The following KDM4C variants were observed in gnomAD, a reference collection of about 807,000 sequenced individuals.
KDM4C encodes the protein lysine demethylase 4C, also known as lysine-specific demethylase 4C.
KDM4C carries 81 observed loss-of-function variants against 129.3 expected under a neutral mutation model. The observed-to-expected ratio is 0.63, with a 90% confidence interval of 0.52 to 0.75. The LOEUF (loss-of-function observed/expected upper bound fraction) is 0.75. KDM4C is among the 30% of genes least tolerant of loss of function. The probability of loss-of-function intolerance (pLI) is 0.00; values close to 1 mark genes in which losing one functional copy is unlikely to be tolerated. For missense variants in KDM4C, 1,457 were observed against 1,304.0 expected, an observed-to-expected ratio of 1.12 and a Z score of -1.81; for synonymous variants, 573 against 456.1, an observed-to-expected ratio of 1.26 and a Z score of -3.26.
At chr9:7,075,448 C>T (rs1587475670) in intron 17 of KDM4C, among the ~76,000 whole-genome samples, 1 of 152,114 alleles carries the variant, frequency 6.6e-6, no homozygotes, top group Non-Finnish European at 1.5e-5. Flanking sequence ...GAATGCCCTT[C>T]TGTATGGGTT....
chr9:7,028,184 G>A (rs1407553524), intron 15 of KDM4C, among the ~76,000 whole-genome samples: 4 of 151,964 alleles, frequency 2.6e-5, no homozygotes. Flanking sequence ...CCATTACCTA[G>A]GAATGTGCTG....
chr9:7,083,098 T>G (rs1834723418), intron 17 of KDM4C, among the ~76,000 whole-genome samples: 1 of 152,196 alleles, frequency 6.6e-6, no homozygotes, highest in South Asian at 2.1e-4. Flanking sequence ...TCAGGAACAT[T>G]TCCTCCCCAT....
At chr9:6,962,231 A>G (rs1026596676) in intron 8 of KDM4C, among the ~76,000 whole-genome samples, 1 of 152,258 alleles carries the variant, frequency 6.6e-6, no homozygotes, top group Non-Finnish European at 1.5e-5. Context: ...ATGAACACAC[A>G]GCATACATTA....
chr9:6,916,237 TC>T (rs1207224022), intron 8 of KDM4C, among the ~76,000 whole-genome samples: 13 of 111,252 alleles, frequency 1.2e-4, no homozygotes, highest in South Asian at 2.8e-4. Context: ...TACAGAGTTA[TC>T]CGGACCTTTT....
chr9:7,089,267 T>A (rs1442255838), intron 17 of KDM4C, among the ~76,000 whole-genome samples: 1 of 152,178 alleles, frequency 6.6e-6, no homozygotes, highest in Non-Finnish European at 1.5e-5. Flanking sequence ...TTGCAGTCAC[T>A]TGAAGTCATC....
chr9:7,169,049 TAAAAAAAAAA>T (rs77258477), intron 20 of KDM4C, among the ~76,000 whole-genome samples: 1 of 128,078 alleles, frequency 7.8e-6, no homozygotes, highest in Non-Finnish European at 1.6e-5. Flanking sequence ...TGTCTCAATT[TAAAAAAAAAA>T]AAAAAAAAAG....
In KDM4C at chr9:6,740,354, T is replaced by C. The variant is rs369700995; in HGVS notation, c.49+19357T>C. ...TAGCAGCTGAGACTACAGGCGCCCG[T>C]CACCCCACCTGGCTAATTTTTTGTA... On this transcript the variant is annotated intron_variant, in intron 1 of 17. Coordinates refer to the KDM4C transcript ENST00000536108. Among the ~76,000 whole-genome samples, 112 of 151,090 alleles carry C rather than the reference T, an allele frequency of 7.4e-4. 2 individuals are homozygous for C. In the East Asian group the frequency reaches 0.013, roughly 18 times the overall value.
intron 5 of KDM4C, among the ~76,000 whole-genome samples, chr9:6,866,965 A>G (rs1415545281): frequency 7.9e-6 from 1 of 127,024 alleles, no homozygotes; most frequent in Non-Finnish European, 1.7e-5. Flanking sequence ...ATATAAAAAT[A>G]TATGTTTGTG....
intron 8 of KDM4C, among the ~76,000 whole-genome samples, chr9:6,967,451 C>T (rs531103883): frequency 2.0e-5 from 3 of 150,864 alleles, no homozygotes; most frequent in Admixed American, 6.6e-5. Flanking sequence ...ATTGTACAGA[C>T]TCTTGAGAAA....
intron 4 of KDM4C, among the ~76,000 whole-genome samples, chr9:6,828,016 G>A (rs1044285585): frequency 1.3e-5 from 2 of 152,224 alleles, no homozygotes; most frequent in Non-Finnish European, 2.9e-5. Flanking sequence ...TGTTGCCAGA[G>A]CAGCACAGCT....
intron 17 of KDM4C, among the ~76,000 whole-genome samples, chr9:7,051,064 T>C (rs1012390682): frequency 1.3e-5 from 2 of 152,202 alleles, no homozygotes; most frequent in Non-Finnish European, 2.9e-5. Context: ...GAGCTATGGT[T>C]ACAGATGTAA....
In KDM4C at chr9:7,088,208, A is replaced by G. The variant is rs552366726; in HGVS notation, c.2425-15477A>G. On this transcript the variant is annotated intron_variant, in intron 17 of 21. Coordinates refer to ENST00000381309, the MANE Select transcript of KDM4C (RefSeq NM_015061.6). ...GAGGCCCTGCTTTGTCTGCCTCGGA[A>G]GGACCCTTAAAGTGGGCAGGAGCCA... Among the ~76,000 whole-genome samples, 237 of 152,320 alleles carry G rather than the reference A, an allele frequency of 1.6e-3. 1 individual carries two copies. Among genetic ancestry groups the G allele is most frequent in the African/African-American group, 5.5e-3 (230 of 41,582 alleles).
rs562270919 is a variant in KDM4C, at chr9:7,133,115, G to GT, written c.2781+4886dup. ...AGTTTGCTTAAATTTTCCAGCCCCA[G>GT]TTTTTTTCCCCTACTAATTTGAAAG... On this transcript the variant is annotated intron_variant, in intron 19 of 21. Coordinates refer to ENST00000381309, the MANE Select transcript of KDM4C (RefSeq NM_015061.6). 5.3e-5 allele frequency among the ~76,000 whole-genome samples: 8 copies of GT among 152,232 alleles called. No individual in the cohort carries two copies. The South Asian group carries it at 1.7e-3, about 32-fold the overall frequency.
At chr9:6,790,830 C>T (rs1826433814) in intron 1 of KDM4C, among the ~76,000 whole-genome samples, 1 of 152,078 alleles carries the variant, frequency 6.6e-6, no homozygotes, top group South Asian at 2.1e-4. Context: ...GTGCCTGTCT[C>T]ATGATAGGTG....
intron 8 of KDM4C, chr9:6,925,501 G>C (rs1440966076): frequency 6.2e-5 from 50 of 802,592 alleles, no homozygotes; most frequent in Non-Finnish European, 7.3e-5. Flanking sequence ...TCACCATCTT[G>C]CTCATGCTGC....
intron 1 of KDM4C, among the ~76,000 whole-genome samples, chr9:6,782,736 G>C (rs2130780317): frequency 6.6e-6 from 1 of 152,254 alleles, no homozygotes; most frequent in African/African-American, 2.4e-5. Context: ...ACGATATTGA[G>C]CTATTGAAGG....
chr9:7,099,311 C>G (rs1836811542), intron 17 of KDM4C, among the ~76,000 whole-genome samples: 1 of 152,230 alleles, frequency 6.6e-6, no homozygotes, highest in African/African-American at 2.4e-5. Flanking sequence ...CACAGTTCAT[C>G]ATTTCTTGAT....
chr9:7,093,489 G>C (rs755391824), intron 17 of KDM4C, among the ~76,000 whole-genome samples: 2 of 151,984 alleles, frequency 1.3e-5, no homozygotes, highest in African/African-American at 2.4e-5. Flanking sequence ...ACATGTGTGC[G>C]TGGTTATTGT....
intron 8 of KDM4C, among the ~76,000 whole-genome samples, chr9:6,960,889 C>T (rs1412052054): frequency 6.6e-6 from 1 of 152,140 alleles, no homozygotes; most frequent in African/African-American, 2.4e-5. Flanking sequence ...AACCACTAGG[C>T]TAGTGAGCAC....
Sources: gnomAD v4.1 joint callset for allele counts (sites outside exome capture counted in the v4.1 genomes callset) on GRCh38, gnomAD v4.1.1 for gene constraint, MANE v1.5 for transcripts, NCBI Gene and HGNC (gene_info 2026-07-23, HGNC 2026-07-21) for gene names.